SNX30: variants seen among roughly 807,000 people sequenced by gnomAD.
SNX30 encodes the protein sorting nexin family member 30, also known as sorting nexin-30.
SNX30 carries 24 observed loss-of-function variants against 46.4 expected under a neutral mutation model. That is an observed-to-expected ratio of 0.52 (90% confidence interval 0.37 to 0.73). The LOEUF is 0.73. SNX30 is among the 30% of genes least tolerant of loss of function. The probability of loss-of-function intolerance (pLI) is 0.00; values close to 1 mark genes in which losing one functional copy is unlikely to be tolerated. For missense variants in SNX30, 533 were observed against 555.7 expected (o/e 0.96, Z 0.41); for synonymous variants, 189 against 211.5 (o/e 0.89, Z 0.92).
chr9:112,797,736 G>A (rs1840132037), intron 1 of SNX30, among the ~76,000 whole-genome samples: 1 of 129,174 alleles, frequency 7.7e-6, no homozygotes, highest in South Asian at 2.5e-4. Flanking sequence ...TTGAGATGGA[G>A]TCTTGCTCTG....
At chr9:112,805,819 T>C (rs1339080517) in intron 2 of SNX30, among the ~76,000 whole-genome samples, 1 of 152,190 alleles carries the variant, frequency 6.6e-6, no homozygotes, top group Non-Finnish European at 1.5e-5. Flanking sequence ...ATTTTTCAGA[T>C]GAAGAAATAG....
At position 112,831,136 on chromosome 9, in the gene SNX30, C is replaced by CT. The variant is rs1337560211; in HGVS notation, c.618+256dup. Reference sequence around the variant, plus strand: ...TGGGTGACAGAGTGAGACCCTATCTCTTTAAAAAAAAAAAAAAAAAAAGCG... The same window carrying CT: ...TGGGTGACAGAGTGAGACCCTATCTCTTTTAAAAAAAAAAAAAAAAAAAGCG... On this transcript the variant is annotated intron_variant, in intron 4 of 8. Transcript: ENST00000374232. Among the ~76,000 whole-genome samples the CT allele has an allele frequency of 1.2e-4, 16 of 134,814 alleles. No individual in the cohort carries two copies. The East Asian group carries it at 3.4e-3, about 29-fold the overall frequency. The allele number at this position is 134,814 out of a possible 152,430, so 88.4% of individuals were successfully genotyped here.
chr9:112,865,637 ATATATATATATATATATATATATATG>A (rs1278307568), intron 8 of SNX30, among the ~76,000 whole-genome samples: 2 of 115,550 alleles, frequency 1.7e-5, no homozygotes, highest in African/African-American at 6.8e-5. Flanking sequence ...ATATATATAT[ATATATATATATATATATATATATATG>A]TATGTATGTA....
At chr9:112,784,980 G>A (rs558676669) in intron 1 of SNX30, among the ~76,000 whole-genome samples, 3 of 152,294 alleles carry the variant, frequency 2.0e-5, no homozygotes, top group South Asian at 4.1e-4. Flanking sequence ...ATACATAAGC[G>A]AACAGATTTT....
chr9:112,832,449 AGAGAGAGAGAGT>A lies in SNX30; in HGVS notation c.618+1568_618+1579del, dbSNP rs1256858581. 6.5e-5 allele frequency among the ~76,000 whole-genome samples: 8 copies of A among 123,740 alleles called. No individual in the cohort carries two copies. In the East Asian group the frequency reaches 7.6e-4, roughly 12 times the overall value. 81.2% of individuals were successfully genotyped at this position (123,740 alleles called of 152,430 possible). A position where few individuals can be genotyped will look rare whatever the true frequency, so the allele number is the denominator to read the frequency against. ...GTAGGAAAGAGAGAGAGAGAGAGAG[AGAGAGAGAGAGT>A]GTGTGTGTGTGTGTGTGTGTGTGTG... is the stretch of plus-strand genomic sequence containing the variant. On this transcript the variant is annotated intron_variant, in intron 4 of 8. Coordinates refer to ENST00000374232, the MANE Select transcript of SNX30 (RefSeq NM_001012994.2).
At chr9:112,786,731 T>C (rs1268125303) in intron 1 of SNX30, among the ~76,000 whole-genome samples, 1 of 151,888 alleles carries the variant, frequency 6.6e-6, no homozygotes, top group African/African-American at 2.4e-5. Context: ...CTCGAACTTG[T>C]GGGCTCAAGC....
At chr9:112,884,875 T>C (rs1841624211), downstream of SNX30, among the ~76,000 whole-genome samples, 1 of 152,226 alleles carries the variant, frequency 6.6e-6, no homozygotes, top group Non-Finnish European at 1.5e-5. Flanking sequence ...CCAATAAAAT[T>C]GGACTGGATA....
At chr9:112,818,946 G>A (rs1840448035) in intron 3 of SNX30, among the ~76,000 whole-genome samples, 1 of 152,092 alleles carries the variant, frequency 6.6e-6, no homozygotes, top group Non-Finnish European at 1.5e-5. Flanking sequence ...TGCTTTTTCT[G>A]TCTTCTAACC....
chr9:112,764,855 A>C (rs1839508747), intron 1 of SNX30, among the ~76,000 whole-genome samples: 1 of 152,206 alleles, frequency 6.6e-6, no homozygotes, highest in Non-Finnish European at 1.5e-5. Context: ...CAGGGGTCTG[A>C]ATGCTACTGA....
chr9:112,862,291 G>A (rs1306757043), intron 7 of SNX30, among the ~76,000 whole-genome samples: 1 of 152,150 alleles, frequency 6.6e-6, no homozygotes, highest in Non-Finnish European at 1.5e-5. Context: ...TCTTTCCAGG[G>A]CTTTCCATTT....
At chr9:112,834,222 A>G (rs1301670864) in intron 4 of SNX30, among the ~76,000 whole-genome samples, 3 of 152,054 alleles carry the variant, frequency 2.0e-5, no homozygotes, top group Non-Finnish European at 4.4e-5. Context: ...CTGGATGTCC[A>G]CCAGTTTAAT....
chr9:112,817,967 T>A (rs955065017), intron 3 of SNX30, 152 bp downstream of exon 3: 5 of 573,366 alleles, frequency 8.7e-6, no homozygotes, highest in Non-Finnish European at 1.6e-5. Context: ...ATACTTCACC[T>A]ATTAGGTTTT....
At chr9:112,819,888 G>A (rs1588127077) in intron 3 of SNX30, among the ~76,000 whole-genome samples, 1 of 152,186 alleles carries the variant, frequency 6.6e-6, no homozygotes, top group Non-Finnish European at 1.5e-5. Flanking sequence ...CCTGACTTGA[G>A]GTAGTGCTGG....
downstream of SNX30, chr9:112,877,732 T>G (rs1841534222): frequency 6.6e-6 from 1 of 152,200 alleles, no homozygotes; most frequent in South Asian, 2.1e-4. Context: ...TTTAATTTTT[T>G]TTTTTAAGAG....
chr9:112,882,524 A>C (rs1159855353), downstream of SNX30, among the ~76,000 whole-genome samples: 4 of 152,288 alleles, frequency 2.6e-5, no homozygotes, highest in Non-Finnish European at 5.9e-5. Flanking sequence ...TGGAGAGAGG[A>C]TGGGAGTGGA....
intron 6 of SNX30, among the ~76,000 whole-genome samples, chr9:112,843,626 C>CTTTTT (rs35950913): frequency 0.053 from 5,536 of 105,134 alleles, 373 homozygotes; most frequent in Non-Finnish European, 0.064. Flanking sequence ...CCTGCAGTAG[C>CTTTTT]TTTTTTTTTT....
At chr9:112,825,304 T>C (rs1033511762) in intron 3 of SNX30, among the ~76,000 whole-genome samples, 1 of 152,168 alleles carries the variant, frequency 6.6e-6, no homozygotes, top group Non-Finnish European at 1.5e-5. Context: ...CCAAATGACT[T>C]GTTTTTTTGA....
downstream of SNX30, chr9:112,879,797 G>A: frequency 6.2e-7 from 1 of 1,613,076 alleles, no homozygotes; most frequent in Non-Finnish European, 8.5e-7. Context: ...GGTGACAATG[G>A]GACTTGTTTA....
At chr9:112,790,759 A>G (rs1840006460) in intron 1 of SNX30, among the ~76,000 whole-genome samples, 1 of 152,198 alleles carries the variant, frequency 6.6e-6, no homozygotes, top group African/African-American at 2.4e-5. Flanking sequence ...CATTTAGTAA[A>G]TATAGCAGTT....
Sources: gnomAD v4.1 joint callset for allele counts (sites outside exome capture counted in the v4.1 genomes callset) on GRCh38, gnomAD v4.1.1 for gene constraint, MANE v1.5 for transcripts, NCBI Gene and HGNC (gene_info 2026-07-23, HGNC 2026-07-21) for gene names.